The following NEBL variants were observed in gnomAD, a reference collection of about 807,000 sequenced individuals.
NEBL encodes LIM and SH3 protein 2.
A neutral mutation model predicts 140.2 loss-of-function variants in NEBL; 122 were observed. That is an observed-to-expected ratio of 0.87 (90% confidence interval 0.75 to 1.01). The LOEUF is 1.01. Ranked by LOEUF, NEBL falls within the 50% of genes least tolerant of loss-of-function variation. The probability of loss-of-function intolerance (pLI) is 0.00; values close to 1 mark genes in which losing one functional copy is unlikely to be tolerated. For missense variants in NEBL, 1,365 were observed against 1,231.3 expected (o/e 1.11, Z -1.62); for synonymous variants, 436 against 398.9 (o/e 1.09, Z -1.11).
At chr10:20,888,490 A>T (rs1846731639) in intron 3 of NEBL, among the ~76,000 whole-genome samples, 1 of 152,244 alleles carries the variant, frequency 6.6e-6, no homozygotes, top group Admixed American at 6.5e-5. Context: ...ATTTGTGTAT[A>T]TTGACAGTTT....
intron 3 of NEBL, among the ~76,000 whole-genome samples, chr10:20,992,765 CTTTTTTTTTT>C (rs35627113): frequency 7.6e-5 from 4 of 52,452 alleles, no homozygotes; most frequent in African/African-American, 3.4e-4. Flanking sequence ...ACTACAAAGT[CTTTTTTTTTT>C]TTTTTTTTTT....
intron 3 of NEBL, among the ~76,000 whole-genome samples, chr10:20,996,710 C>G (rs555641261): frequency 3.5e-4 from 54 of 152,260 alleles, no homozygotes; most frequent in Middle Eastern, 3.4e-3. Context: ...CAAAAGTTAC[C>G]TTCTTAAAAG....
rs1840816582 is a variant in NEBL at position 20,835,676 on chromosome 10, T to A, written c.1339-53A>T. On this transcript the variant is annotated intron_variant, in intron 13 of 27. Transcript: ENST00000377122. ...CAAACACTCAGTGGGCAAACATGCA[T>A]CTGCAGTCAATGATACTAAAAAAAA... 4.1e-6 allele frequency: 5 copies of A among 1,230,098 alleles called. No individual in the cohort carries two copies. The Admixed American group carries it at 5.0e-5, about 12-fold the overall frequency. The allele number at this position is 1,230,098 out of a possible 1,614,324, so 76.2% of individuals were successfully genotyped here.
intron 2 of NEBL, among the ~76,000 whole-genome samples, chr10:21,022,261 T>A (rs1276536895): frequency 2.0e-5 from 3 of 152,178 alleles, no homozygotes; most frequent in Non-Finnish European, 4.4e-5. Flanking sequence ...CACGTGTGTC[T>A]CTTCCTGTGG....
intron 2 of NEBL, among the ~76,000 whole-genome samples, chr10:21,079,840 C>A (rs1008081258): frequency 5.9e-5 from 9 of 152,146 alleles, no homozygotes; most frequent in African/African-American, 2.2e-4. Context: ...GTACTCTGCC[C>A]CACCACCCAA....
chr10:21,175,680 G>A (rs1398058929), upstream of NEBL, among the ~76,000 whole-genome samples: 1 of 152,186 alleles, frequency 6.6e-6, no homozygotes, highest in African/African-American at 2.4e-5. Context: ...CTCACTCACT[G>A]CCATGTTCAC....
chr10:20,812,927 T>G lies in NEBL; in HGVS notation c.2360A>C (p.Glu787Ala), dbSNP rs1350446993. The change falls in exon 24 of 28, where the codon GAA becomes GCA. Residue 787 changes from glutamate (E) to alanine (A), a missense_variant. Coordinates refer to ENST00000377122, the MANE Select transcript of NEBL (RefSeq NM_006393.3). ...QNHISMVKYH[E>A]DFEKTKGRGF... ...TCTCCCCTTTGTTTTTTCAAAATCT[T>G]CATGGTATTTTACCTGAAAAAGGAA... 6.2e-7 allele frequency: 1 copy of G among 1,613,716 alleles called. No individual in the cohort carries two copies. Among genetic ancestry groups the G allele is most frequent in the African/African-American group, 1.3e-5 (1 of 74,900 alleles).
chr10:21,184,632 A>G (rs1304106529), intron 3 of NEBL, among the ~76,000 whole-genome samples: 3 of 152,244 alleles, frequency 2.0e-5, no homozygotes, highest in Non-Finnish European at 4.4e-5. Flanking sequence ...AACTTCATCC[A>G]ATAAAAATAG....
At chr10:21,046,668 T>G (rs1834528596) in intron 2 of NEBL, among the ~76,000 whole-genome samples, 1 of 152,162 alleles carries the variant, frequency 6.6e-6, no homozygotes, top group South Asian at 2.1e-4. Flanking sequence ...TGGTGCGATC[T>G]CGGCTCACTG....
At chr10:20,934,950 T>C (rs1834399498) in intron 4 of NEBL, among the ~76,000 whole-genome samples, 1 of 152,172 alleles carries the variant, frequency 6.6e-6, no homozygotes, top group Non-Finnish European at 1.5e-5. Context: ...TGATTGGAAA[T>C]GAATCTGGAA....
intron 3 of NEBL, among the ~76,000 whole-genome samples, chr10:21,190,724 T>C (rs781738565): frequency 6.6e-6 from 1 of 152,222 alleles, no homozygotes; most frequent in African/African-American, 2.4e-5. Flanking sequence ...GATCTAGAGA[T>C]CCAAACTCTT....
At chr10:21,151,392 G>A (rs1317032650) in intron 2 of NEBL, among the ~76,000 whole-genome samples, 1 of 152,090 alleles carries the variant, frequency 6.6e-6, no homozygotes, top group African/African-American at 2.4e-5. Flanking sequence ...ATGCACTCTT[G>A]TTTACACCCA....
At chr10:21,231,949 G>C (rs534079110) in intron 3 of NEBL, among the ~76,000 whole-genome samples, 5 of 152,120 alleles carry the variant, frequency 3.3e-5, no homozygotes, top group Non-Finnish European at 7.4e-5. Context: ...TCCCTTTTGC[G>C]GTTTATACAC....
At chr10:21,239,485 C>A (rs1301152322) in intron 3 of NEBL, among the ~76,000 whole-genome samples, 1 of 152,118 alleles carries the variant, frequency 6.6e-6, no homozygotes, top group Non-Finnish European at 1.5e-5. Flanking sequence ...TTAGTCTTTT[C>A]CAGTCCTGTC....
intron 4 of NEBL, among the ~76,000 whole-genome samples, chr10:20,930,242 A>G (rs979539012): frequency 4.6e-5 from 7 of 152,128 alleles, no homozygotes; most frequent in Non-Finnish European, 1.0e-4. Flanking sequence ...TAGAAACAAA[A>G]TTCTAGGAGA....
At chr10:21,036,804 G>A (rs1834033898) in intron 2 of NEBL, among the ~76,000 whole-genome samples, 1 of 152,084 alleles carries the variant, frequency 6.6e-6, no homozygotes, top group Non-Finnish European at 1.5e-5. Context: ...CCTGTCTTGA[G>A]GCCAGAGATG....
At chr10:20,842,459 A>T (rs1841488967) in intron 12 of NEBL, among the ~76,000 whole-genome samples, 1 of 152,154 alleles carries the variant, frequency 6.6e-6, no homozygotes, top group Admixed American at 6.5e-5. Flanking sequence ...AAAACCACAA[A>T]GTAAAAAATG....
chr10:21,120,689 A>C (rs1838529226), intron 2 of NEBL, among the ~76,000 whole-genome samples: 1 of 147,026 alleles, frequency 6.8e-6, no homozygotes, highest in African/African-American at 2.5e-5. Context: ...GCAAAAAAAA[A>C]AAAAAAAAAA....
intron 3 of NEBL, among the ~76,000 whole-genome samples, chr10:21,215,863 G>A (rs1841984500): frequency 6.6e-6 from 1 of 152,128 alleles, no homozygotes; most frequent in South Asian, 2.1e-4. Flanking sequence ...TAGAGACAGG[G>A]TCTTGCCATG....
Sources: gnomAD v4.1 joint callset for allele counts (sites outside exome capture counted in the v4.1 genomes callset) on GRCh38, gnomAD v4.1.1 for gene constraint, MANE v1.5 for transcripts, NCBI Gene and HGNC (gene_info 2026-07-23, HGNC 2026-07-21) for gene names.